The following EFCC1 variants were observed in gnomAD, a reference collection of about 807,000 sequenced individuals.
EFCC1 encodes the protein EF-hand and coiled-coil domain-containing protein 1.
In EFCC1, 50 loss-of-function variants were observed where a neutral mutation model predicts 52.1. The observed-to-expected ratio is 0.96, with a 90% confidence interval of 0.76 to 1.21. The LOEUF (loss-of-function observed/expected upper bound fraction) is 1.21. Among genes scored for constraint, EFCC1 ranks in the 50% most tolerant of loss-of-function variants. EFCC1 has a pLI of 0.00. For missense variants in EFCC1, 837 were observed against 867.3 expected (o/e 0.97, Z 0.44); for synonymous variants, 399 against 396.5 (o/e 1.01, Z -0.08).
intron 2 of EFCC1, among the ~76,000 whole-genome samples, chr3:129,005,284 T>C (rs958692613): frequency 6.6e-6 from 1 of 152,074 alleles, no homozygotes; most frequent in Non-Finnish European, 1.5e-5. Context: ...CACTTGAGGA[T>C]AGGATGTTAC....
rs1263199631 is a variant in EFCC1, at chr3:129,001,913, G to T, written c.285G>T (p.Thr95=). 1.3e-6 allele frequency: 2 copies of T among 1,538,902 alleles called. No homozygotes were observed. Among genetic ancestry groups the T allele is most frequent in the East Asian group, 5.0e-5 (2 of 40,156 alleles). ...VLGLRAEGAT[T]AGQAAGDGNS... ...GGCTGCGCGCGGAGGGGGCCACCAC[G>T]GCCGGGCAGGCAGCAGGTGACGGGA... The change falls in exon 1 of 8, where the codon ACG becomes ACT. Residue 95 remains threonine, a synonymous_variant. Coordinates refer to ENST00000683648, the MANE Select transcript of EFCC1 (RefSeq NM_001377500.1).
In EFCC1 at chr3:129,037,024, G is replaced by T; in HGVS notation, c.1500G>T (p.Glu500Asp). The change falls in exon 6 of 8, where the codon GAG becomes GAT. Residue 500 changes from glutamate to aspartate, a missense_variant. Transcript: ENST00000683648. The stretch of plus-strand genomic sequence containing the variant: ...AAGAGAATGAGCACCTGAGGCTGGA[G>T]CTGCAGATGGTAGAGACCGAGAGGG... ...KVEENEHLRL[E>D]LQMVETERVR... 1 of 1,613,986 alleles carries T rather than the reference G, an allele frequency of 6.2e-7. No homozygotes were observed. Among genetic ancestry groups the T allele is most frequent in the Non-Finnish European group, 8.5e-7 (1 of 1,180,016 alleles).
intron 2 of EFCC1, among the ~76,000 whole-genome samples, chr3:129,024,987 G>A (rs1279022963): frequency 6.6e-6 from 1 of 152,176 alleles, no homozygotes; most frequent in African/African-American, 2.4e-5. Flanking sequence ...TCAAGTGGGT[G>A]ATGGCACACT....
intron 2 of EFCC1, among the ~76,000 whole-genome samples, chr3:129,021,367 A>G (rs565596758): frequency 1.4e-4 from 22 of 152,322 alleles, no homozygotes; most frequent in African/African-American, 5.1e-4. Flanking sequence ...GCATTTTCCA[A>G]GAGTTGCTCA....
intron 7 of EFCC1, 140 bp from the exon 8 acceptor site, chr3:129,039,572 C>G: frequency 7.5e-7 from 1 of 1,333,944 alleles, no homozygotes; most frequent in Non-Finnish European, 1.0e-6. Flanking sequence ...GGAGGTGGTC[C>G]ACAGAGCGAG....
In EFCC1 at chr3:129,002,317, C is replaced by A; in HGVS notation, c.689C>A (p.Ala230Glu). 1 of 1,521,926 alleles carries A rather than the reference C, an allele frequency of 6.6e-7. No individual in the cohort carries two copies. The highest frequency in any genetic ancestry group is 8.8e-7 in the Non-Finnish European group (1 of 1,141,816). 94.3% of individuals were successfully genotyped at this position (1,521,926 alleles called of 1,614,324 possible). A position where few individuals can be genotyped will look rare whatever the true frequency, so the allele number is the denominator to read the frequency against. The change falls in exon 1 of 8, where the codon GCA becomes GAA. Residue 230 changes from alanine to glutamate, a missense_variant. Physicochemically the swap from Ala to Glu is moderately radical, Grantham distance 107. Transcript: ENST00000683648. Reference protein sequence around the residue: ...ALQSSDARCLALQVGLWKSQA... With the variant: ...ALQSSDARCLELQVGLWKSQA... ...CAGAGCAGTGATGCGCGCTGCCTAG[C>A]ACTGCAGGTGCGCGCCGGCCACGAA... is the stretch of plus-strand genomic sequence containing the variant.
At chr3:129,005,296 G>A (rs575673899) in intron 2 of EFCC1, among the ~76,000 whole-genome samples, 1 of 152,222 alleles carries the variant, frequency 6.6e-6, no homozygotes, top group African/African-American at 2.4e-5. Context: ...GGATGTTACC[G>A]GGCCAGATGG....
intron 5 of EFCC1, among the ~76,000 whole-genome samples, chr3:129,035,780 C>G (rs1946346782): frequency 6.6e-6 from 1 of 152,140 alleles, no homozygotes; most frequent in Non-Finnish European, 1.5e-5. Context: ...TGTGCTGAAG[C>G]CAGACTGCCG....
In EFCC1 at chr3:129,037,100, C is replaced by T. The variant is rs769893614; in HGVS notation, c.1576C>T (p.Gln526Ter). The change falls in exon 6 of 8, where the codon CAG becomes TAG. Residue 526 changes from glutamine to a stop codon, truncating the protein, a stop_gained. Coordinates refer to ENST00000683648, the MANE Select transcript of EFCC1 (RefSeq NM_001377500.1). LOFTEE classifies it high-confidence loss of function. ...GCTGGTGGACGTGCTGCAGCTCCTG[C>T]AGAGGCTCCGGGACCTGGTAGGCTC... is the stretch of plus-strand genomic sequence containing the variant. ...EKLVDVLQLLQRLRDLNISKR... is the reference protein window; with the variant it reads ...EKLVDVLQLL 3 of 1,609,348 alleles carry T rather than the reference C, an allele frequency of 1.9e-6. No individual in the cohort carries two copies. The highest frequency in any genetic ancestry group is 2.2e-5 in the South Asian group (2 of 90,432).
rs1479867511 is a variant in EFCC1, at chr3:129,001,871, G to A, written c.243G>A (p.Ala81=). ...AGRLPRADFR[A]LCAVLGLRAE... ...GTCTGCCCCGCGCCGACTTCCGAGC[G>A]CTCTGCGCTGTGCTGGGGCTGCGCG... is the stretch of plus-strand genomic sequence containing the variant. The change falls in exon 1 of 8, where the codon GCG becomes GCA. Residue 81 remains alanine (A), a synonymous_variant. Transcript: ENST00000683648. 1 of 1,546,064 alleles carries A rather than the reference G, an allele frequency of 6.5e-7. No individual in the cohort carries two copies. Among genetic ancestry groups the A allele is most frequent in the East Asian group, 2.5e-5 (1 of 40,702 alleles).
chr3:129,034,349 C>T lies in EFCC1; in HGVS notation c.1452+20C>T. The stretch of plus-strand genomic sequence containing the variant: ...GAGGAGGTCAGCAGAGCCTAGAGAT[C>T]AAAGGCTGGAGCAATTCTAGAGGAT... On this transcript the variant is annotated intron_variant, in intron 5 of 7. Transcript: ENST00000683648. 6.2e-7 allele frequency: 1 copy of T among 1,612,294 alleles called. No homozygotes were observed. Among genetic ancestry groups the T allele is most frequent in the Non-Finnish European group, 8.5e-7 (1 of 1,179,324 alleles).
chr3:129,011,281 T>C (rs1453592175), intron 2 of EFCC1, among the ~76,000 whole-genome samples: 2 of 152,198 alleles, frequency 1.3e-5, no homozygotes. Context: ...CAGGGTGTGG[T>C]GGCTCACGCC....
At chr3:129,004,622 T>C (rs1325406087) in intron 2 of EFCC1, among the ~76,000 whole-genome samples, 1 of 151,826 alleles carries the variant, frequency 6.6e-6, no homozygotes, top group Non-Finnish European at 1.5e-5. Flanking sequence ...CAGTTGAATG[T>C]GCTCATTCTT....
intron 2 of EFCC1, among the ~76,000 whole-genome samples, chr3:129,025,214 GACTCCTCCTAGA>G (rs1946052315): frequency 6.6e-6 from 1 of 152,188 alleles, no homozygotes; most frequent in Non-Finnish European, 1.5e-5. Flanking sequence ...CGTTGGCTGA[GACTCCTCCTAGA>G]GCGAGTGCAC....
Position 129,040,094 on chromosome 3 carries a change from A to G in EFCC1, c.*246A>G, listed in dbSNP as rs1427583312. On this transcript the variant is annotated 3_prime_UTR_variant, in exon 8 of 8. Transcript: ENST00000683648. The surrounding 1 kb of genome is among the most constrained non-coding windows in gnomAD (Gnocchi z 4.4). ...CTGCATTCCTGCCACCAGAGTCCAC[A>G]TTAAAGCCCTGCAGTTGCTGGATCA... The G allele has an allele frequency of 1.7e-5, 8 of 466,012 alleles. No individual in the cohort carries two copies. Among genetic ancestry groups the G allele is most frequent in the East Asian group, 3.5e-5 (1 of 28,680 alleles). The allele number at this position is 466,012 out of a possible 1,614,324, so 28.9% of individuals were successfully genotyped here.
At position 129,010,877 on chromosome 3, in the gene EFCC1, G is replaced by A. The variant is rs986308278; in HGVS notation, c.980+6800G>A. Among the ~76,000 whole-genome samples the A allele has an allele frequency of 6.6e-6, 1 of 152,222 alleles. No homozygotes were observed. The highest frequency in any genetic ancestry group is 1.5e-5 in the Non-Finnish European group (1 of 68,040). On this transcript the variant is annotated intron_variant, in intron 2 of 7. Transcript: ENST00000683648. The surrounding 1 kb of genome is among the most constrained non-coding windows in gnomAD (Gnocchi z 4.3). ...CCCACTGCATGCCCCAGGCCCTCAG[G>A]ATGCACAGGGGGCTTGGTGGGTGGG...
rs1361731061 is a variant in EFCC1 at position 129,001,685 on chromosome 3, G to T, written c.57G>T (p.Pro19=). ...EAGMEGAGGD[P]YRRPARRTQW... ...GCATGGAGGGCGCGGGAGGTGACCC[G>T]TACCGGCGACCTGCGCGGCGCACGC... The change falls in exon 1 of 8, where the codon CCG becomes CCT. Residue 19 remains proline, a synonymous_variant. Coordinates refer to ENST00000683648, the MANE Select transcript of EFCC1 (RefSeq NM_001377500.1). 6.7e-6 allele frequency: 10 copies of T among 1,483,826 alleles called. No individual in the cohort carries two copies. The highest frequency in any genetic ancestry group is 2.0e-4 in the Middle Eastern group (1 of 5,092). 91.9% of individuals were successfully genotyped at this position (1,483,826 alleles called of 1,614,324 possible).
At position 129,031,686 on chromosome 3, in the gene EFCC1, G is replaced by A. The variant is rs112179736; in HGVS notation, c.1138+826G>A. ...TTCAGGCACAGCTGAAGTGTCAGCA[G>A]CGCAGCTGTCTGGACCCCTGGCCCT... On this transcript the variant is annotated intron_variant, in intron 3 of 7. Transcript: ENST00000683648. 3.0e-3 allele frequency among the ~76,000 whole-genome samples: 453 copies of A among 152,308 alleles called. 2 individuals carry two copies. Among genetic ancestry groups the A allele is most frequent in the South Asian group, 0.01 (50 of 4,832 alleles).
Position 129,002,179 on chromosome 3 carries a change from G to T in EFCC1, c.551G>T (p.Arg184Leu). Residue 184 changes from arginine (R) to leucine (L), a missense_variant, in exon 1 of 8, where the codon CGC becomes CTC. Arg to Leu is a moderately radical substitution (Grantham distance 102). Transcript: ENST00000683648. ...IRLRRPRRRR[R>L]PPCAPGPDSG... Reference sequence around the variant, plus strand: ...CTGCGCCGTCCGCGCCGCCGCCGCCGCCCGCCCTGCGCGCCTGGCCCCGAC... The same window carrying T: ...CTGCGCCGTCCGCGCCGCCGCCGCCTCCCGCCCTGCGCGCCTGGCCCCGAC... The T allele has an allele frequency of 6.7e-7, 1 of 1,489,102 alleles. No homozygotes were observed. Among genetic ancestry groups the T allele is most frequent in the Non-Finnish European group, 8.9e-7 (1 of 1,129,424 alleles). The allele number at this position is 1,489,102 out of a possible 1,614,324, so 92.2% of individuals were successfully genotyped here.
Sources: allele counts gnomAD v4.1 joint callset (sites outside exome capture counted in the v4.1 genomes callset), GRCh38; gene constraint gnomAD v4.1.1; non-coding constraint Gnocchi (gnomAD v3.1); transcripts MANE v1.5; gene names NCBI Gene and HGNC (gene_info 2026-07-23, HGNC 2026-07-21).